STK26: variants seen among roughly 807,000 people sequenced by gnomAD.
STK26 encodes the protein serine/threonine-protein kinase 26.
STK26 carries 14 observed loss-of-function variants against 34.7 expected under a neutral mutation model. That is an observed-to-expected ratio of 0.40 (90% CI 0.27 to 0.63). STK26 has a LOEUF of 0.63. Among genes scored for constraint, STK26 ranks in the 30% least tolerant of loss-of-function variants. The probability of loss-of-function intolerance (pLI) is 0.38; values close to 1 mark genes in which losing one functional copy is unlikely to be tolerated. For missense variants in STK26, 226 were observed against 309.1 expected, an observed-to-expected ratio of 0.73 and a Z score of 2.02; for synonymous variants, 100 against 109.8, an observed-to-expected ratio of 0.91 and a Z score of 0.56.
Position 132,023,515 on chromosome X carries a change from T to G in STK26, c.-103T>G. ...TTTTGTGTGTCCTCCCAGGCCCCGATCGAAAAGCCTGGGAGGGCCGCCGAA... is the reference window on the plus strand; with the variant it reads ...TTTTGTGTGTCCTCCCAGGCCCCGAGCGAAAAGCCTGGGAGGGCCGCCGAA... On this transcript the variant is annotated 5_prime_UTR_variant, in exon 2 of 12. Transcript: ENST00000394334. The G allele has an allele frequency of 9.8e-7, 1 of 1,017,552 alleles. No individual in the cohort carries two copies. Among genetic ancestry groups the G allele is most frequent in the Non-Finnish European group, 1.4e-6 (1 of 739,442 alleles). The allele number at this position is 1,017,552 out of a possible 1,213,427, so 83.9% of individuals were successfully genotyped here.
At chrX:132,055,013 G>A (rs1357594055) in intron 3 of STK26, 152 bp downstream of exon 3, 4 of 507,060 alleles carry the variant, frequency 7.9e-6, no homozygotes, top group East Asian at 3.7e-5. Flanking sequence ...CAAATAAACC[G>A]TTGTTAGATT....
At chrX:132,046,797 C>G (rs893915393) in intron 2 of STK26, among the ~76,000 whole-genome samples, 6 of 111,482 alleles carry the variant, frequency 5.4e-5, no homozygotes, top group African/African-American at 2.0e-4. Flanking sequence ...CACAAGGAAG[C>G]CCAGGGTTGA....
chrX:132,028,005 G>A (rs1935138286), intron 2 of STK26, among the ~76,000 whole-genome samples: 2 of 103,823 alleles, frequency 1.9e-5, no homozygotes, highest in Admixed American at 1.1e-4. Context: ...ACAGGTGCAC[G>A]CCACCATGCC....
At chrX:132,026,901 A>C (rs905577365) in intron 2 of STK26, among the ~76,000 whole-genome samples, 1 of 112,371 alleles carries the variant, frequency 8.9e-6, no homozygotes, top group Non-Finnish European at 1.9e-5. Flanking sequence ...ATTAATGATC[A>C]CTTTATTGAA....
chrX:132,069,172 A>G (rs1268595402), intron 6 of STK26, among the ~76,000 whole-genome samples: 2 of 107,438 alleles, frequency 1.9e-5, no homozygotes, highest in African/African-American at 3.4e-5. Context: ...TAGAATGTAA[A>G]CCCCTTAAGA....
chrX:132,034,541 G>A (rs1481990252), intron 2 of STK26, among the ~76,000 whole-genome samples: 2 of 110,222 alleles, frequency 1.8e-5, no homozygotes, highest in Admixed American at 1.9e-4. Context: ...TGGTCCGCCC[G>A]CCTCGGCCTC....
Position 132,023,587 on chromosome X carries a change from G to T in STK26, c.-31G>T. On this transcript the variant is annotated 5_prime_UTR_variant, in exon 2 of 12. Transcript: ENST00000394334. ...AGTCCGAACCCAAGGCGCCACCGCC[G>T]CAGAAGCGGAGCGAGGCAGCATTCG... 1 of 1,168,709 alleles carries T rather than the reference G, an allele frequency of 8.6e-7. No individual in the cohort carries two copies.
rs1269150737 is a variant in STK26 at position 132,023,518 on chromosome X, A to T, written c.-100A>T. The T allele has an allele frequency of 4.3e-5, 45 of 1,052,730 alleles. No individual in the cohort carries two copies. Among genetic ancestry groups the T allele is most frequent in the Non-Finnish European group, 1.2e-5 (9 of 771,501 alleles). The allele number at this position is 1,052,730 out of a possible 1,213,427, so 86.8% of individuals were successfully genotyped here. A position where few individuals can be genotyped will look rare whatever the true frequency, so the allele number is the denominator to read the frequency against. On this transcript the variant is annotated 5_prime_UTR_variant, in exon 2 of 12. Transcript: ENST00000394334. Reference sequence around the variant, plus strand: ...TGTGTGTCCTCCCAGGCCCCGATCGAAAAGCCTGGGAGGGCCGCCGAACTA... The same window carrying T: ...TGTGTGTCCTCCCAGGCCCCGATCGTAAAGCCTGGGAGGGCCGCCGAACTA...
rs1209290685 is a variant in STK26, at chrX:132,072,489, A to G, written c.1026+128A>G. The G allele has an allele frequency of 1.3e-5, 7 of 558,270 alleles. No individual in the cohort carries two copies. The East Asian group carries it at 2.2e-4, about 17-fold the overall frequency. The allele number at this position is 558,270 out of a possible 1,213,427, so 46.0% of individuals were successfully genotyped here. A position where few individuals can be genotyped will look rare whatever the true frequency, so the allele number is the denominator to read the frequency against. ...CTGTCTGCCTCACTGTGTTTGTAGT[A>G]TGCTTCATTTGTCATTAGTTTTGAG... is the stretch of plus-strand genomic sequence containing the variant. On this transcript the variant is annotated intron_variant, in intron 9 of 11. Transcript: ENST00000394334.
At chrX:132,041,861 A>G (rs775019811) in intron 2 of STK26, among the ~76,000 whole-genome samples, 1 of 111,954 alleles carries the variant, frequency 8.9e-6, no homozygotes, top group South Asian at 3.7e-4. Context: ...GACAAGGACT[A>G]TAAATATCAA....
rs747909508 is a variant in STK26 at position 132,028,230 on chromosome X, C to G, written c.42+4571C>G. ...GCAATGGGCCTTCCATGGACAGGTT[C>G]CATGGACATATGTTTAGTACTATGA... On this transcript the variant is annotated intron_variant, in intron 2 of 11. Transcript: ENST00000394334. Among the ~76,000 whole-genome samples the G allele has an allele frequency of 2.5e-4, 11 of 44,372 alleles. No individual in the cohort carries two copies. In the East Asian group the frequency reaches 5.8e-3, roughly 23 times the overall value. 38.5% of individuals were successfully genotyped at this position (44,372 alleles called of 115,157 possible). A position where few individuals can be genotyped will look rare whatever the true frequency, so the allele number is the denominator to read the frequency against.
intron 2 of STK26, among the ~76,000 whole-genome samples, chrX:132,052,745 T>C (rs1174335768): frequency 8.9e-6 from 1 of 112,200 alleles, no homozygotes; most frequent in Non-Finnish European, 1.9e-5. Context: ...TGTTATAAAG[T>C]TAATGAATAC....
intron 3 of STK26, among the ~76,000 whole-genome samples, chrX:132,056,475 C>T (rs1224699063): frequency 1.8e-5 from 2 of 111,877 alleles, no homozygotes; most frequent in Non-Finnish European, 3.8e-5. Context: ...TTGTCTACAA[C>T]AGTGGTGAGG....
At chrX:132,037,606 A>C (rs1223325539) in intron 2 of STK26, among the ~76,000 whole-genome samples, 1 of 110,415 alleles carries the variant, frequency 9.1e-6, no homozygotes, top group African/African-American at 3.3e-5. Flanking sequence ...TAAACGAGTG[A>C]CTTCTACTTC....
chrX:132,025,298 C>T (rs756295352), intron 2 of STK26, among the ~76,000 whole-genome samples: 20 of 111,921 alleles, frequency 1.8e-4, no homozygotes, highest in Non-Finnish European at 2.3e-4. Context: ...TGCGTGTGTG[C>T]GTCAGCAGAG....
chrX:132,068,203 T>C lies in STK26; in HGVS notation c.331-12T>C. ...ACATATGTGTATGTGTGTGTGTGTT[T>C]TTCCCCTTAAGCTTCGAGCTGGTCC... On this transcript the variant is annotated splice_polypyrimidine_tract_variant and intron_variant, in intron 4 of 11. Transcript: ENST00000394334. The C allele has an allele frequency of 4.3e-6, 5 of 1,173,527 alleles. No individual in the cohort carries two copies. The highest frequency in any genetic ancestry group is 5.7e-6 in the Non-Finnish European group (5 of 873,643).
chrX:132,071,165 T>A lies in STK26; in HGVS notation c.880T>A (p.Trp294Arg), dbSNP rs777071702. ...TGAACTGATAGATCGTTTTAAGAGATGGAAGGCAGAAGGACACAGTGATGA... is the reference window on the plus strand; with the variant it reads ...TGAACTGATAGATCGTTTTAAGAGAAGGAAGGCAGAAGGACACAGTGATGA... ...LTELIDRFKRWKAEGHSDDES... is the reference protein window; with the variant it reads ...LTELIDRFKRRKAEGHSDDES... The change falls in exon 8 of 12, where the codon TGG (tryptophan) becomes AGG (arginine). Residue 294 changes from tryptophan to arginine, a missense_variant. Physicochemically the swap from Trp to Arg is moderately radical, Grantham distance 101. Coordinates refer to ENST00000394334, the MANE Select transcript of STK26 (RefSeq NM_016542.4). The A allele has an allele frequency of 8.3e-7, 1 of 1,210,554 alleles. No homozygotes were observed. Among genetic ancestry groups the A allele is most frequent in the Non-Finnish European group, 1.1e-6 (1 of 894,439 alleles).
At chrX:132,047,486 A>G (rs1926537393) in intron 2 of STK26, among the ~76,000 whole-genome samples, 1 of 111,295 alleles carries the variant, frequency 9.0e-6, no homozygotes, top group Non-Finnish European at 1.9e-5. Context: ...AAACCTTAGT[A>G]TTAAGGGTTA....
chrX:132,066,584 GTCTT>G (rs993008802), intron 4 of STK26, among the ~76,000 whole-genome samples: 1 of 112,085 alleles, frequency 8.9e-6, no homozygotes, highest in Admixed American at 9.5e-5. Context: ...CTGCCACAGA[GTCTT>G]TCTTCCCATC....
Sources: allele counts gnomAD v4.1 joint callset (sites outside exome capture counted in the v4.1 genomes callset), GRCh38; gene constraint gnomAD v4.1.1; transcripts MANE v1.5; gene names NCBI Gene and HGNC (gene_info 2026-07-23, HGNC 2026-07-21).